The following ZNF577 variants were observed in gnomAD, a reference collection of about 807,000 sequenced individuals.
ZNF577 encodes zinc finger protein 577.
Under a neutral mutation model 13.9 loss-of-function variants are expected in ZNF577, and 14 were observed. The ratio of observed to expected loss-of-function variants is 1.00; its 90% CI spans 0.66 to 1.57. The LOEUF is 1.57. ZNF577 is among the 40% of genes most tolerant of loss of function. The pLI is 0.00. For missense variants in ZNF577, 555 were observed against 579.2 expected (o/e 0.96, Z 0.43); for synonymous variants, 203 against 202.9 (o/e 1.00, Z 0.00).
intron 9 of ZNF577, among the ~76,000 whole-genome samples, chr19:51,838,917 A>G (rs551795452): frequency 2.6e-5 from 4 of 152,288 alleles, no homozygotes; most frequent in East Asian, 1.9e-4. Context: ...ATAAATTCAT[A>G]TAGGAAAACG....
chr19:51,826,623 T>A (rs1262976617), intron 9 of ZNF577, among the ~76,000 whole-genome samples: 2 of 152,198 alleles, frequency 1.3e-5, no homozygotes, highest in East Asian at 3.8e-4. Flanking sequence ...CAAAACCAGT[T>A]TACTGAGACT....
intron 3 of ZNF577, 145 bp downstream of exon 3, chr19:51,880,178 T>TA: frequency 1.2e-6 from 1 of 866,166 alleles, no homozygotes; most frequent in Non-Finnish European, 1.8e-6. Flanking sequence ...CATTACTCCT[T>TA]AGCTTACCCC....
At chr19:51,859,112 C>T (rs569710745) in intron 5 of ZNF577, among the ~76,000 whole-genome samples, 2 of 152,244 alleles carry the variant, frequency 1.3e-5, no homozygotes, top group Admixed American at 1.3e-4. Flanking sequence ...TTGCATTTGG[C>T]TTCTTTCACT....
intron 9 of ZNF577, among the ~76,000 whole-genome samples, chr19:51,812,479 T>C (rs2084104239): frequency 6.6e-6 from 1 of 152,236 alleles, no homozygotes; most frequent in African/African-American, 2.4e-5. Flanking sequence ...GCTAATACTA[T>C]TCAATCAAGA....
rs1461505053 is a variant in ZNF577 at position 51,823,827 on chromosome 19, A to T, written c.*600-12153T>A. The T allele has an allele frequency of 4.3e-6, 7 of 1,613,774 alleles. No homozygotes were observed. The African/African-American group carries it at 9.4e-5, about 22-fold the overall frequency. On this transcript the variant is annotated intron_variant and NMD_transcript_variant, in intron 9 of 10. Coordinates refer to the ZNF577 transcript ENST00000638827. ...GCCTGCTGGCCACACCGTTCTGTGGATCTTCTCATTGCTAGTCCACGGAGT... is the reference window on the plus strand; with the variant it reads ...GCCTGCTGGCCACACCGTTCTGTGGTTCTTCTCATTGCTAGTCCACGGAGT...
chr19:51,821,292 C>T (rs770676680), intron 9 of ZNF577, among the ~76,000 whole-genome samples: 4 of 152,156 alleles, frequency 2.6e-5, no homozygotes, highest in Non-Finnish European at 4.4e-5. Context: ...GACCCCAAAG[C>T]CCAGTGTTCT....
chr19:51,827,738 A>G (rs2084239189), intron 9 of ZNF577, among the ~76,000 whole-genome samples: 1 of 152,198 alleles, frequency 6.6e-6, no homozygotes, highest in African/African-American at 2.4e-5. Context: ...AAGACTTCAT[A>G]TTTAAATAAA....
At chr19:51,835,692 G>GA (rs149392849) in intron 9 of ZNF577, among the ~76,000 whole-genome samples, 3,089 of 152,170 alleles carry the variant, frequency 0.02, 143 homozygotes, top group South Asian at 0.14. Context: ...AGACATAACT[G>GA]AAATCAGTAT....
intron 6 of ZNF577, among the ~76,000 whole-genome samples, chr19:51,844,280 G>A (rs1464342822): frequency 6.6e-6 from 1 of 152,052 alleles, no homozygotes; most frequent in Non-Finnish European, 1.5e-5. Context: ...TTTCCTAGCT[G>A]TGCCTTTTAT....
intron 10 of ZNF577, among the ~76,000 whole-genome samples, chr19:51,806,954 C>A (rs1007715509): frequency 3.9e-5 from 6 of 152,210 alleles, no homozygotes; most frequent in Non-Finnish European, 5.9e-5. Flanking sequence ...TACCTAACAT[C>A]GGGCGTAGCC....
chr19:51,820,339 T>C (rs74680322), intron 9 of ZNF577, among the ~76,000 whole-genome samples: 3,852 of 152,344 alleles, frequency 0.025, 68 homozygotes, highest in Non-Finnish European at 0.042. Context: ...CATGGTTTCC[T>C]ATGGATTATA....
At chr19:51,844,198 T>C (rs2084337526) in intron 6 of ZNF577, among the ~76,000 whole-genome samples, 1 of 152,140 alleles carries the variant, frequency 6.6e-6, no homozygotes, top group Admixed American at 6.6e-5. Context: ...TTACATATAT[T>C]AACATAATAA....
intron 5 of ZNF577, among the ~76,000 whole-genome samples, chr19:51,851,590 C>T (rs972201417): frequency 1.3e-5 from 2 of 152,094 alleles, no homozygotes; most frequent in Non-Finnish European, 2.9e-5. Flanking sequence ...CCATAATGCC[C>T]CCATATCCCC....
In ZNF577 at chr19:51,867,897, C is replaced by T. The variant is rs2084590964; in HGVS notation, c.*4635G>A. 6.6e-6 allele frequency among the ~76,000 whole-genome samples: 1 copy of T among 152,184 alleles called. No individual in the cohort carries two copies. The highest frequency in any genetic ancestry group is 6.5e-5 in the Admixed American group (1 of 15,276). ...CCAATGAGGAATTTCTAGTCCTCTA[C>T]CCCCACCCCTAAATACAGATACAGA... is the stretch of plus-strand genomic sequence containing the variant. On this transcript the variant is annotated 3_prime_UTR_variant, in exon 6 of 6. Transcript: ENST00000638348.
intron 9 of ZNF577, among the ~76,000 whole-genome samples, chr19:51,837,555 T>C (rs1012183619): frequency 3.9e-5 from 6 of 152,316 alleles, no homozygotes; most frequent in Admixed American, 1.3e-4. Flanking sequence ...TTCACATTTG[T>C]TCACAACATG....
intron 9 of ZNF577, among the ~76,000 whole-genome samples, chr19:51,835,795 C>G (rs1310350381): frequency 6.6e-6 from 1 of 152,254 alleles, no homozygotes; most frequent in South Asian, 2.1e-4. Context: ...CTGGTTCAAG[C>G]AATTCTCCTG....
chr19:51,867,940 T>C lies in ZNF577; in HGVS notation c.*4592A>G, dbSNP rs953124201. On this transcript the variant is annotated 3_prime_UTR_variant, in exon 6 of 6. Coordinates refer to ENST00000638348, the MANE Select transcript of ZNF577 (RefSeq NM_001370449.1). ...GATACAGAAAAAGGCAATGAGAACC[T>C]GGAATGTCTTCTCCCTTGCATGGGA... Among the ~76,000 whole-genome samples the C allele has an allele frequency of 2.6e-5, 4 of 152,150 alleles. No individual in the cohort carries two copies. Among genetic ancestry groups the C allele is most frequent in the Admixed American group, 2.0e-4 (3 of 15,270 alleles).
At chr19:51,823,585 C>T (rs970545780) in intron 9 of ZNF577, among the ~76,000 whole-genome samples, 4 of 152,144 alleles carry the variant, frequency 2.6e-5, no homozygotes, top group Admixed American at 2.6e-4. Flanking sequence ...CCCAAAGGAA[C>T]TCCGAGAGAG....
rs1176383925 is a variant in ZNF577 at position 51,824,980 on chromosome 19, A to C, written c.*600-13306T>G. The C allele has an allele frequency of 4.9e-6, 3 of 607,394 alleles. No homozygotes were observed. Among genetic ancestry groups the C allele is most frequent in the Non-Finnish European group, 5.9e-6 (2 of 337,874 alleles). The allele number at this position is 607,394 out of a possible 1,614,324, so 37.6% of individuals were successfully genotyped here. ...TTTTTCCCACAACCAAGCAATAGAC[A>C]CCAGCTGGGTGTCCTACAATTAAAT... On this transcript the variant is annotated intron_variant and NMD_transcript_variant, in intron 9 of 10. Transcript: ENST00000638827. This position sits in a 1 kb window ranked among gnomAD's most constrained non-coding sequence, Gnocchi z 4.7.
Sources: gnomAD v4.1 joint callset for allele counts (sites outside exome capture counted in the v4.1 genomes callset) on GRCh38, gnomAD v4.1.1 for gene constraint, Gnocchi (gnomAD v3.1) non-coding constraint, MANE v1.5 for transcripts, NCBI Gene and HGNC (gene_info 2026-07-23, HGNC 2026-07-21) for gene names.